TMEM114: variants seen among roughly 807,000 people sequenced by gnomAD.
TMEM114 encodes the protein transmembrane protein 114.
A neutral mutation model predicts 6.2 loss-of-function variants in TMEM114; 6 were observed. The ratio of observed to expected loss-of-function variants is 0.97; its 90% CI spans 0.53 to 1.91. The LOEUF is 1.91. Ranked by LOEUF, TMEM114 falls within the 40% of genes most tolerant of loss-of-function variation. TMEM114 has a pLI of 0.01. For synonymous variants in TMEM114, 104 were observed against 73.0 expected, an observed-to-expected ratio of 1.42 and a Z score of -2.16; for missense variants, 218 against 158.3, an observed-to-expected ratio of 1.38 and a Z score of -2.02.
At chr16:8,557,485 C>G (rs1401050836) in intron 2 of TMEM114, among the ~76,000 whole-genome samples, 1 of 152,226 alleles carries the variant, frequency 6.6e-6, no homozygotes, top group Non-Finnish European at 1.5e-5. Flanking sequence ...AGAGGACAAA[C>G]CACAATCGCC....
At chr16:8,548,106 A>G (rs1900729032) in intron 2 of TMEM114, among the ~76,000 whole-genome samples, 1 of 152,190 alleles carries the variant, frequency 6.6e-6, no homozygotes, top group Admixed American at 6.5e-5. Context: ...CCCTCTGAAA[A>G]GCCTGTTCTT....
intron 2 of TMEM114, among the ~76,000 whole-genome samples, chr16:8,560,555 A>G (rs1901166195): frequency 6.6e-6 from 1 of 152,146 alleles, no homozygotes; most frequent in Non-Finnish European, 1.5e-5. Flanking sequence ...TTTATTCTCA[A>G]GGAAGAAAGG....
chr16:8,545,140 T>C (rs747153674), intron 2 of TMEM114, among the ~76,000 whole-genome samples: 6 of 152,194 alleles, frequency 3.9e-5, no homozygotes, highest in Non-Finnish European at 5.9e-5. Context: ...ATGTTCTTGA[T>C]CACTAGTCTA....
chr16:8,533,744 T>C (rs147090948), downstream of TMEM114, among the ~76,000 whole-genome samples: 1,313 of 152,322 alleles, frequency 8.6e-3, 8 homozygotes, highest in Non-Finnish European at 0.015. Flanking sequence ...TTACATTGGT[T>C]ACTTCATTGA....
chr16:8,538,427 G>T (rs1433423201), intron 2 of TMEM114, among the ~76,000 whole-genome samples: 1 of 152,086 alleles, frequency 6.6e-6, no homozygotes, highest in Non-Finnish European at 1.5e-5. Context: ...GTTCCCTATT[G>T]TACCCATGGA....
downstream of TMEM114, among the ~76,000 whole-genome samples, chr16:8,567,360 G>A (rs1486829527): frequency 6.6e-6 from 1 of 152,190 alleles, no homozygotes; most frequent in Admixed American, 6.5e-5. Context: ...CCCAGGCCCT[G>A]GAACAGTCTC....
At chr16:8,558,922 T>G (rs1313877558) in intron 2 of TMEM114, among the ~76,000 whole-genome samples, 1 of 151,692 alleles carries the variant, frequency 6.6e-6, no homozygotes, top group African/African-American at 2.4e-5. Flanking sequence ...TTTTTGTATT[T>G]TTAGTAGAGA....
intron 2 of TMEM114, among the ~76,000 whole-genome samples, chr16:8,574,137 A>G (rs1901834842): frequency 6.6e-6 from 1 of 152,170 alleles, no homozygotes; most frequent in Admixed American, 6.5e-5. Flanking sequence ...TAGACGTCAG[A>G]GCCGGATTAT....
intron 2 of TMEM114, among the ~76,000 whole-genome samples, chr16:8,541,159 G>A (rs1388721800): frequency 1.3e-5 from 2 of 152,048 alleles, no homozygotes; most frequent in Non-Finnish European, 2.9e-5. Flanking sequence ...ATATCATATC[G>A]TCTAAACTCA....
chr16:8,541,580 G>C (rs1437619878), intron 2 of TMEM114, among the ~76,000 whole-genome samples: 1 of 149,918 alleles, frequency 6.7e-6, no homozygotes, highest in African/African-American at 2.5e-5. Flanking sequence ...CTTCATTCCA[G>C]TCCCACATCT....
At chr16:8,589,397 G>A (rs1212338079) in intron 1 of TMEM114, 104 bp from the exon 2 acceptor site, 2 of 398,526 alleles carry the variant, frequency 5.0e-6, no homozygotes, top group Non-Finnish European at 8.8e-6. Context: ...CCCACCCGGG[G>A]AGGGCGCGGG....
intron 3 of TMEM114, among the ~76,000 whole-genome samples, chr16:8,571,701 T>A (rs1377884513): frequency 1.3e-5 from 2 of 152,044 alleles, no homozygotes; most frequent in Non-Finnish European, 2.9e-5. Context: ...CATGCCCGTT[T>A]TTTAGTCGAT....
chr16:8,571,914 A>C (rs1223521529), intron 3 of TMEM114, among the ~76,000 whole-genome samples, 173 bp downstream of exon 3: 1 of 152,148 alleles, frequency 6.6e-6, no homozygotes, highest in African/African-American at 2.4e-5. Flanking sequence ...GGAACCAGAG[A>C]CTAAGTGATT....
chr16:8,528,203 G>C, the TMEM114 span, among the ~76,000 whole-genome samples: 13 of 151,854 alleles, frequency 8.6e-5, no homozygotes, highest in Non-Finnish European at 1.6e-4. Context: ...GCCAGAACTA[G>C]TTTCCTGATA....
chr16:8,527,714 G>A, the TMEM114 span, among the ~76,000 whole-genome samples: 14 of 152,102 alleles, frequency 9.2e-5, no homozygotes, highest in Non-Finnish European at 1.9e-4. Flanking sequence ...TGCTCAGGGA[G>A]GTTTAGTAAC....
intron 2 of TMEM114, among the ~76,000 whole-genome samples, chr16:8,575,209 T>C (rs1019747064): frequency 2.6e-5 from 4 of 152,194 alleles, no homozygotes; most frequent in Non-Finnish European, 5.9e-5. Flanking sequence ...GACAAATGAC[T>C]GGACCACTCT....
chr16:8,533,318 G>A (rs1170264927), downstream of TMEM114, among the ~76,000 whole-genome samples: 1 of 152,204 alleles, frequency 6.6e-6, no homozygotes, highest in Admixed American at 6.5e-5. Context: ...AGCCAGCCGT[G>A]GGAAGATCCC....
chr16:8,548,846 A>G (rs192785956), intron 2 of TMEM114, among the ~76,000 whole-genome samples: 22 of 152,304 alleles, frequency 1.4e-4, no homozygotes, highest in African/African-American at 4.8e-4. Flanking sequence ...CCAATTTAAT[A>G]AAGGGAGTGA....
At chr16:8,569,305 T>C (rs1901641736), downstream of TMEM114, among the ~76,000 whole-genome samples, 1 of 152,154 alleles carries the variant, frequency 6.6e-6, no homozygotes, top group African/African-American at 2.4e-5. Flanking sequence ...GCCCATGTCA[T>C]GCCAGAGTTA....
Sources: allele counts gnomAD v4.1 joint callset (sites outside exome capture counted in the v4.1 genomes callset), GRCh38; gene constraint gnomAD v4.1.1; transcripts MANE v1.5; gene names NCBI Gene and HGNC (gene_info 2026-07-23, HGNC 2026-07-21).